GABRG2: variants seen among roughly 807,000 people sequenced by gnomAD.
GABRG2 encodes gamma-aminobutyric acid receptor subunit gamma-2.
Under a neutral mutation model 56.4 loss-of-function variants are expected in GABRG2, and 16 were observed. The observed-to-expected ratio is 0.28, with a 90% CI of 0.19 to 0.43. The LOEUF (loss-of-function observed/expected upper bound fraction) is 0.43. Among genes scored for constraint, GABRG2 ranks in the 20% least tolerant of loss-of-function variants. The pLI, the probability that GABRG2 is intolerant of heterozygous loss-of-function variation, is 1.00. For missense variants in GABRG2, 327 were observed against 582.7 expected, an observed-to-expected ratio of 0.56 and a Z score of 4.52; for synonymous variants, 208 against 205.5, an observed-to-expected ratio of 1.01 and a Z score of -0.10.
At chr5:162,115,229 C>T (rs540801922) in intron 6 of GABRG2, among the ~76,000 whole-genome samples, 1 of 152,200 alleles carries the variant, frequency 6.6e-6, no homozygotes, top group East Asian at 1.9e-4. Context: ...GCAATTTCTT[C>T]ATCTCAAAAC....
At chr5:162,077,560 T>C (rs1381318275) in intron 1 of GABRG2, among the ~76,000 whole-genome samples, 2 of 152,202 alleles carry the variant, frequency 1.3e-5, no homozygotes, top group Non-Finnish European at 2.9e-5. Context: ...ACTATTTCAA[T>C]GTATGACAGT....
chr5:162,137,839 C>G (rs552258214), intron 6 of GABRG2, among the ~76,000 whole-genome samples: 1 of 152,192 alleles, frequency 6.6e-6, no homozygotes, highest in Non-Finnish European at 1.5e-5. Context: ...GCAACCTCCA[C>G]GTCCCAGGCT....
chr5:162,130,153 AT>A (rs894329629), intron 6 of GABRG2, among the ~76,000 whole-genome samples: 3 of 152,020 alleles, frequency 2.0e-5, no homozygotes, highest in Non-Finnish European at 4.4e-5. Flanking sequence ...TATCTTAAAA[AT>A]ATCCTTGAAT....
chr5:162,102,793 C>G (rs1488536527), intron 5 of GABRG2: 5 of 327,020 alleles, frequency 1.5e-5, no homozygotes, highest in Non-Finnish European at 3.1e-5. Flanking sequence ...TATCATATCT[C>G]TCTCCATCCC....
At position 162,101,235 on chromosome 5, in the gene GABRG2, G is replaced by A. The variant is rs1761390378; in HGVS notation, c.549G>A (p.Arg183=). The A allele has an allele frequency of 6.3e-7, 1 of 1,596,122 alleles. No homozygotes were observed. Among genetic ancestry groups the A allele is most frequent in the Admixed American group, 1.7e-5 (1 of 59,948 alleles). The change falls in exon 5 of 10, where the codon AGG becomes AGA. Residue 183 remains arginine (R), a splice_region_variant and synonymous_variant. Transcript: ENST00000639213. Reference sequence around the variant, plus strand: ...TTATGTTTAATATCTTTCTACTTAGGTTGACAATTGATGCTGAGTGCCAAT... The same window carrying A: ...TTATGTTTAATATCTTTCTACTTAGATTGACAATTGATGCTGAGTGCCAAT... ...WNDGRVLYTL[R]LTIDAECQLQ...
At chr5:162,125,826 G>A (rs1763306725) in intron 6 of GABRG2, among the ~76,000 whole-genome samples, 1 of 151,866 alleles carries the variant, frequency 6.6e-6, no homozygotes, top group South Asian at 2.1e-4. Flanking sequence ...AGAATCAATA[G>A]ACAAAGGTCT....
At chr5:162,093,805 T>G in intron 1 of GABRG2, 23 bp from the exon 2 acceptor site, 2 of 1,610,540 alleles carry the variant, frequency 1.2e-6, no homozygotes, top group Non-Finnish European at 1.7e-6. Flanking sequence ...TATGTGTTTT[T>G]TGACCAATAT....
At chr5:162,071,215 A>G (rs1309701574) in intron 1 of GABRG2, among the ~76,000 whole-genome samples, 1 of 151,446 alleles carries the variant, frequency 6.6e-6, no homozygotes, top group African/African-American at 2.4e-5. Flanking sequence ...TTTAAAACAA[A>G]TCTTATAACT....
chr5:162,140,609 A>G (rs1764489694), intron 6 of GABRG2, among the ~76,000 whole-genome samples: 1 of 151,934 alleles, frequency 6.6e-6, no homozygotes, highest in Admixed American at 6.5e-5. Context: ...TAATCAAGCT[A>G]AAAGATATGA....
chr5:162,084,747 C>T (rs141746514), intron 1 of GABRG2, among the ~76,000 whole-genome samples: 1 of 151,980 alleles, frequency 6.6e-6, no homozygotes, highest in African/African-American at 2.4e-5. Flanking sequence ...TGATACATTT[C>T]TTGATGGTAA....
chr5:162,149,692 C>A, intron 8 of GABRG2: 1 of 525,372 alleles, frequency 1.9e-6, no homozygotes, highest in Non-Finnish European at 3.7e-6. Flanking sequence ...CGGCTTACTG[C>A]AACCTCTGCC....
chr5:162,142,882 T>G (rs1764685485), intron 7 of GABRG2: 1 of 145,090 alleles, frequency 6.9e-6, no homozygotes, highest in South Asian at 2.2e-4. Context: ...ACATGTACCC[T>G]AAAACTTAAA....
intron 7 of GABRG2, among the ~76,000 whole-genome samples, chr5:162,147,970 G>C (rs923698818): frequency 6.6e-6 from 1 of 152,170 alleles, no homozygotes; most frequent in African/African-American, 2.4e-5. Context: ...CTGAGGCCTA[G>C]AGTGTTAAGA....
chr5:162,078,395 ATAT>A (rs1397237456), intron 1 of GABRG2, among the ~76,000 whole-genome samples: 4 of 38,400 alleles, frequency 1.0e-4, no homozygotes, highest in African/African-American at 1.4e-4. Flanking sequence ...ATATATATAT[ATAT>A]TTTTTTTTTT....
intron 6 of GABRG2, among the ~76,000 whole-genome samples, chr5:162,118,204 GGTGT>G (rs3079259): frequency 0.1 from 14,999 of 145,856 alleles, 1,043 homozygotes; most frequent in African/African-American, 0.19. Flanking sequence ...AGGTTCTGAT[GGTGT>G]GTGTGTGTGT....
chr5:162,132,700 C>G (rs557646999), intron 6 of GABRG2, among the ~76,000 whole-genome samples: 1 of 152,140 alleles, frequency 6.6e-6, no homozygotes, highest in African/African-American at 2.4e-5. Context: ...ATAGATGCAA[C>G]TAGACTATTA....
At chr5:162,118,893 A>G (rs1762801667) in intron 6 of GABRG2, among the ~76,000 whole-genome samples, 1 of 152,156 alleles carries the variant, frequency 6.6e-6, no homozygotes, top group Non-Finnish European at 1.5e-5. Context: ...AGGAAAGGAT[A>G]AAGAATGCTA....
At chr5:162,073,008 T>C (rs1758799748) in intron 1 of GABRG2, among the ~76,000 whole-genome samples, 1 of 151,956 alleles carries the variant, frequency 6.6e-6, no homozygotes, top group African/African-American at 2.4e-5. Flanking sequence ...TTCCTAGAAG[T>C]GTAACAGGTA....
intron 6 of GABRG2, among the ~76,000 whole-genome samples, chr5:162,108,098 G>A (rs143500570): frequency 6.6e-6 from 1 of 152,242 alleles, no homozygotes; most frequent in East Asian, 1.9e-4. Flanking sequence ...TAACACAGAT[G>A]GTATCACTGC....
Sources: gnomAD v4.1 joint callset for allele counts (sites outside exome capture counted in the v4.1 genomes callset) on GRCh38, gnomAD v4.1.1 for gene constraint, MANE v1.5 for transcripts, NCBI Gene and HGNC (gene_info 2026-07-23, HGNC 2026-07-21) for gene names.